CDH18: variants seen among roughly 807,000 people sequenced by gnomAD.
CDH18 encodes the protein cadherin 18.
CDH18 carries 31 observed loss-of-function variants against 67.9 expected under a neutral mutation model. The ratio of observed to expected loss-of-function variants is 0.46; its 90% CI spans 0.34 to 0.62. The LOEUF (loss-of-function observed/expected upper bound fraction) is 0.62. CDH18 is among the 20% of genes least tolerant of loss of function. CDH18 has a pLI of 0.01. For missense variants in CDH18, 890 were observed against 975.5 expected (o/e 0.91, Z 1.17); for synonymous variants, 362 against 347.2 (o/e 1.04, Z -0.48).
At chr5:19,923,897 TG>T (rs1792786389) in intron 2 of CDH18, among the ~76,000 whole-genome samples, 1 of 152,178 alleles carries the variant, frequency 6.6e-6, no homozygotes, top group Non-Finnish European at 1.5e-5. Context: ...TCACCTCTTG[TG>T]GAAAAGTGGC....
chr5:20,273,462 A>G (rs1195315327), intron 1 of CDH18, among the ~76,000 whole-genome samples: 3 of 152,082 alleles, frequency 2.0e-5, no homozygotes. Context: ...GAAAAATATT[A>G]AAATGATCAA....
At chr5:20,166,126 T>TAAAC (rs1193489972) in intron 2 of CDH18, among the ~76,000 whole-genome samples, 2 of 151,796 alleles carry the variant, frequency 1.3e-5, no homozygotes, top group Admixed American at 6.6e-5. Context: ...TCCTTTACTT[T>TAAAC]AAACAAACAA....
At chr5:20,143,339 T>C (rs1404069657) in intron 2 of CDH18, among the ~76,000 whole-genome samples, 2 of 152,072 alleles carry the variant, frequency 1.3e-5, no homozygotes, top group Non-Finnish European at 2.9e-5. Flanking sequence ...AGTGGCATAT[T>C]TAGATGAGAA....
At chr5:19,966,230 T>C (rs548126061) in intron 2 of CDH18, among the ~76,000 whole-genome samples, 1 of 152,314 alleles carries the variant, frequency 6.6e-6, no homozygotes, top group African/African-American at 2.4e-5. Context: ...ACAGCTGTTG[T>C]GTTCAGATTA....
At chr5:20,299,877 G>A (rs1390646140) in intron 1 of CDH18, among the ~76,000 whole-genome samples, 3 of 151,906 alleles carry the variant, frequency 2.0e-5, no homozygotes, top group Non-Finnish European at 4.4e-5. Context: ...GAAGGAAGCT[G>A]GGACATATTT....
At chr5:20,496,324 C>T (rs1419132385) in intron 1 of CDH18, among the ~76,000 whole-genome samples, 1 of 151,910 alleles carries the variant, frequency 6.6e-6, no homozygotes, top group Admixed American at 6.6e-5. Context: ...AGGGTGTGAC[C>T]CCAAAATTTT....
At chr5:19,750,485 A>G (rs1294320033) in intron 3 of CDH18, among the ~76,000 whole-genome samples, 1 of 152,112 alleles carries the variant, frequency 6.6e-6, no homozygotes, top group Non-Finnish European at 1.5e-5. Flanking sequence ...AAGCTCTTGA[A>G]TAGAGATAAT....
intron 1 of CDH18, among the ~76,000 whole-genome samples, chr5:20,566,951 C>T (rs1318668322): frequency 6.6e-6 from 1 of 152,118 alleles, no homozygotes; most frequent in East Asian, 1.9e-4. Context: ...TTACCATTAG[C>T]CAATTGTTCA....
chr5:20,026,816 G>A (rs1738941977), intron 2 of CDH18, among the ~76,000 whole-genome samples: 1 of 152,080 alleles, frequency 6.6e-6, no homozygotes, highest in African/African-American at 2.4e-5. Context: ...AATTAGCCGG[G>A]CATGGTGGTG....
chr5:20,067,349 T>C (rs1241149389), intron 2 of CDH18, among the ~76,000 whole-genome samples: 2 of 151,432 alleles, frequency 1.3e-5, no homozygotes, highest in African/African-American at 2.4e-5. Flanking sequence ...TTCAGTTTAT[T>C]TTAGACTTCC....
At chr5:19,899,695 C>T (rs987886462) in intron 2 of CDH18, among the ~76,000 whole-genome samples, 1 of 152,004 alleles carries the variant, frequency 6.6e-6, no homozygotes, top group Non-Finnish European at 1.5e-5. Context: ...TGAAAACAAC[C>T]TGAATGTCCA....
rs1197846774 is a variant in CDH18, at chr5:20,501,556, AAT to A, written c.-580+73904_-580+73905del. On this transcript the variant is annotated intron_variant, in intron 1 of 14. Transcript: ENST00000507958. ...TATATTATATACATATTATATATATAATATATATATATAATATATATATATTA... is the reference window on the plus strand; with the variant it reads ...TATATTATATACATATTATATATATAATATATATATAATATATATATATTA... 2.3e-3 allele frequency among the ~76,000 whole-genome samples: 133 copies of A among 58,436 alleles called. 3 individuals carry two copies. Among genetic ancestry groups the A allele is most frequent in the African/African-American group, 9.3e-3 (94 of 10,138 alleles). The allele number at this position is 58,436 out of a possible 152,430, so 38.3% of individuals were successfully genotyped here. A position where few individuals can be genotyped will look rare whatever the true frequency, so the allele number is the denominator to read the frequency against.
At chr5:19,761,857 G>A (rs1302780197) in intron 3 of CDH18, among the ~76,000 whole-genome samples, 1 of 152,164 alleles carries the variant, frequency 6.6e-6, no homozygotes, top group Non-Finnish European at 1.5e-5. Flanking sequence ...CAAGGCTACA[G>A]TAACCAAAAC....
intron 5 of CDH18, among the ~76,000 whole-genome samples, chr5:19,637,135 T>C (rs1360132119): frequency 6.6e-6 from 1 of 150,700 alleles, no homozygotes; most frequent in Admixed American, 6.6e-5. Context: ...TTTCTTTCTC[T>C]TTCTTTCTTT....
intron 1 of CDH18, among the ~76,000 whole-genome samples, chr5:20,544,715 A>G (rs1407009895): frequency 6.6e-6 from 1 of 152,154 alleles, no homozygotes; most frequent in Middle Eastern, 3.2e-3. Flanking sequence ...TCAACGTGTG[A>G]GGATTACAAC....
At chr5:20,560,788 T>A (rs1758163944) in intron 1 of CDH18, among the ~76,000 whole-genome samples, 1 of 151,938 alleles carries the variant, frequency 6.6e-6, no homozygotes. Flanking sequence ...AATTAAAGAG[T>A]AAATTCTTAA....
chr5:20,211,276 A>G (rs922894665), intron 2 of CDH18, among the ~76,000 whole-genome samples: 4 of 152,138 alleles, frequency 2.6e-5, no homozygotes, highest in Admixed American at 1.3e-4. Context: ...GGGCAGCTCA[A>G]TGAGGCCTGC....
At chr5:20,192,078 G>A (rs960718845) in intron 2 of CDH18, among the ~76,000 whole-genome samples, 1 of 151,938 alleles carries the variant, frequency 6.6e-6, no homozygotes, top group Non-Finnish European at 1.5e-5. Context: ...GTATCTCATT[G>A]TGGTTTTGAT....
At chr5:20,402,369 A>G (rs1745845302) in intron 1 of CDH18, among the ~76,000 whole-genome samples, 1 of 152,224 alleles carries the variant, frequency 6.6e-6, no homozygotes, top group East Asian at 1.9e-4. Context: ...CTGACATCAT[A>G]GGCCCTGTAC....
Sources: gnomAD v4.1 joint callset for allele counts (sites outside exome capture counted in the v4.1 genomes callset) on GRCh38, gnomAD v4.1.1 for gene constraint, MANE v1.5 for transcripts, NCBI Gene and HGNC (gene_info 2026-07-23, HGNC 2026-07-21) for gene names.